Variants in CLOCK observed in about 807,000 individuals in gnomAD.
CLOCK encodes clock circadian regulator.
Under a neutral mutation model 118.4 loss-of-function variants are expected in CLOCK, and 43 were observed. The observed-to-expected ratio is 0.36, with a 90% CI of 0.28 to 0.47. The LOEUF is 0.47. CLOCK is among the 20% of genes least tolerant of loss of function. CLOCK has a pLI of 1.00. For missense variants in CLOCK, 846 were observed against 999.9 expected (o/e 0.85, Z 2.08); for synonymous variants, 326 against 339.2 (o/e 0.96, Z 0.43).
At chr4:55,537,177 G>A (rs1430337400) in intron 1 of CLOCK, among the ~76,000 whole-genome samples, 2 of 152,148 alleles carry the variant, frequency 1.3e-5, no homozygotes, top group African/African-American at 4.8e-5. Flanking sequence ...GAATGAAAAT[G>A]GAAACATATC....
In CLOCK at chr4:55,522,140, C is replaced by T. The variant is rs73153691; in HGVS notation, c.-289-12075G>A. Among the ~76,000 whole-genome samples the T allele has an allele frequency of 4.0e-3, 610 of 152,152 alleles. 4 individuals are homozygous for T. Among genetic ancestry groups the T allele is most frequent in the African/African-American group, 0.014 (582 of 41,510 alleles). On this transcript the variant is annotated intron_variant, in intron 1 of 22. Coordinates refer to ENST00000513440, the MANE Select transcript of CLOCK (RefSeq NM_004898.4). ...AACATAAATTCCAAGTGCTTCAGAC[C>T]CAAATATGAAGGCAAAACATATCAA...
intron 21 of CLOCK, 89 bp downstream of exon 21, chr4:55,442,343 A>G (rs1478267185): frequency 8.6e-7 from 1 of 1,158,070 alleles, no homozygotes; most frequent in Non-Finnish European, 1.3e-6. Flanking sequence ...TTAAAATCAC[A>G]TTAAAAAATT....
chr4:55,476,697 CAT>C (rs1411218187), intron 6 of CLOCK, among the ~76,000 whole-genome samples: 2 of 152,144 alleles, frequency 1.3e-5, no homozygotes, highest in Non-Finnish European at 2.9e-5. Context: ...TGCTGTGGGA[CAT>C]ATGTTTGTCA....
chr4:55,526,216 G>A (rs1181303824), intron 1 of CLOCK, among the ~76,000 whole-genome samples: 1 of 152,128 alleles, frequency 6.6e-6, no homozygotes, highest in Non-Finnish European at 1.5e-5. Context: ...GTATTTCAAG[G>A]TAGGCAAAGG....
chr4:55,446,513 A>G (rs1050002050), intron 18 of CLOCK, among the ~76,000 whole-genome samples: 6 of 152,210 alleles, frequency 3.9e-5, no homozygotes, highest in Admixed American at 3.9e-4. Flanking sequence ...GATAACCAAT[A>G]ATATTTTCAC....
intron 2 of CLOCK, among the ~76,000 whole-genome samples, chr4:55,500,733 T>G (rs1728379436): frequency 6.6e-6 from 1 of 152,236 alleles, no homozygotes; most frequent in African/African-American, 2.4e-5. Flanking sequence ...CAATTAAATT[T>G]CACCTAATGG....
chr4:55,504,781 T>C (rs557060059), intron 2 of CLOCK, among the ~76,000 whole-genome samples: 2 of 152,336 alleles, frequency 1.3e-5, no homozygotes, highest in Admixed American at 6.5e-5. Context: ...CATCTTTGCA[T>C]TGTATTTTTT....
intron 9 of CLOCK, among the ~76,000 whole-genome samples, chr4:55,463,155 A>T (rs1440483902): frequency 6.6e-6 from 1 of 152,094 alleles, no homozygotes; most frequent in African/African-American, 2.4e-5. Context: ...GGTGATAACT[A>T]TTTTCACTAT....
At chr4:55,545,155 G>T (rs537512734) in intron 1 of CLOCK, among the ~76,000 whole-genome samples, 3 of 151,512 alleles carry the variant, frequency 2.0e-5, no homozygotes, top group Non-Finnish European at 4.4e-5. Flanking sequence ...ACGCTGGTGT[G>T]CTGCACCCAT....
intron 2 of CLOCK, among the ~76,000 whole-genome samples, chr4:55,496,559 AG>A (rs1173638066): frequency 6.6e-6 from 1 of 152,240 alleles, no homozygotes; most frequent in Non-Finnish European, 1.5e-5. Flanking sequence ...ACTTTAATAT[AG>A]TTCAAGTTGT....
intron 11 of CLOCK, among the ~76,000 whole-genome samples, chr4:55,458,204 G>C (rs1725049575): frequency 6.6e-6 from 1 of 152,294 alleles, no homozygotes; most frequent in South Asian, 2.1e-4. Flanking sequence ...GAGACCACAG[G>C]TGTGTAACAC....
chr4:55,474,066 G>A (rs962562062), intron 7 of CLOCK, among the ~76,000 whole-genome samples: 1 of 152,206 alleles, frequency 6.6e-6, no homozygotes, highest in Non-Finnish European at 1.5e-5. Context: ...TAAGCTTAGT[G>A]AGGAAGGCAT....
chr4:55,470,887 C>T, intron 7 of CLOCK, 81 bp from the exon 8 acceptor site: 2 of 968,320 alleles, frequency 2.1e-6, no homozygotes, highest in Non-Finnish European at 1.6e-6. Flanking sequence ...AGATAAATGA[C>T]AAAGGATTTA....
chr4:55,482,251 C>G (rs1415864602), intron 4 of CLOCK, among the ~76,000 whole-genome samples: 1 of 152,088 alleles, frequency 6.6e-6, no homozygotes, highest in Non-Finnish European at 1.5e-5. Context: ...CCCCTTCCAC[C>G]CTCCTCCAAA....
intron 8 of CLOCK, among the ~76,000 whole-genome samples, chr4:55,468,053 C>T (rs1321005006): frequency 1.3e-5 from 2 of 152,034 alleles, no homozygotes; most frequent in Non-Finnish European, 2.9e-5. Context: ...AGAGAAATAC[C>T]ACTTTTCAGT....
chr4:55,543,670 C>G (rs1731426310), intron 1 of CLOCK, among the ~76,000 whole-genome samples: 2 of 151,738 alleles, frequency 1.3e-5, no homozygotes, highest in South Asian at 4.2e-4. Context: ...CCCAGCTACT[C>G]GGGAGGCTGA....
chr4:55,541,329 A>G (rs1731255356), intron 1 of CLOCK, among the ~76,000 whole-genome samples: 1 of 152,244 alleles, frequency 6.6e-6, no homozygotes, highest in South Asian at 2.1e-4. Flanking sequence ...TAAATAATTC[A>G]TACAACTCCA....
intron 1 of CLOCK, among the ~76,000 whole-genome samples, chr4:55,535,435 A>G (rs1255153600): frequency 6.6e-6 from 1 of 152,142 alleles, no homozygotes; most frequent in Non-Finnish European, 1.5e-5. Context: ...CGCCAGCTAG[A>G]GTGGCTCATG....
At chr4:55,463,198 T>C (rs1725493653) in intron 9 of CLOCK, among the ~76,000 whole-genome samples, 1 of 150,842 alleles carries the variant, frequency 6.6e-6, no homozygotes, top group African/African-American at 2.4e-5. Flanking sequence ...CACAAGTACC[T>C]AGCAAATTAG....
Sources: allele counts gnomAD v4.1 joint callset (sites outside exome capture counted in the v4.1 genomes callset), GRCh38; gene constraint gnomAD v4.1.1; transcripts MANE v1.5; gene names NCBI Gene and HGNC (gene_info 2026-07-23, HGNC 2026-07-21).